Variants in JAKMIP2 observed in about 807,000 individuals in gnomAD.
The protein encoded by JAKMIP2 is janus kinase and microtubule-interacting protein 2.
JAKMIP2 carries 25 observed loss-of-function variants against 115.0 expected under a neutral mutation model. The ratio of observed to expected loss-of-function variants is 0.22; its 90% CI spans 0.16 to 0.30. JAKMIP2 has a LOEUF of 0.30. JAKMIP2 is among the 10% of genes least tolerant of loss of function. The pLI is 1.00. For synonymous variants in JAKMIP2, 334 were observed against 343.6 expected, an observed-to-expected ratio of 0.97 and a Z score of 0.31; for missense variants, 642 against 957.6, an observed-to-expected ratio of 0.67 and a Z score of 4.35.
intron 3 of JAKMIP2, among the ~76,000 whole-genome samples, chr5:147,659,996 C>CA (rs1307190395): frequency 1.3e-5 from 2 of 151,814 alleles, no homozygotes; most frequent in East Asian, 1.9e-4. Flanking sequence ...AACTAGAAGA[C>CA]AAAAAAGGAA....
chr5:147,604,866 C>T (rs1350985537), intron 20 of JAKMIP2, among the ~76,000 whole-genome samples: 3 of 150,296 alleles, frequency 2.0e-5, no homozygotes, highest in Non-Finnish European at 4.4e-5. Context: ...GGGATATATG[C>T]GCAGAACGTG....
rs151015424 is a variant in JAKMIP2 at position 147,750,561 on chromosome 5, T to TACACACACACACACACACAC, written c.-149+31875_-149+31894dup. 7.0e-4 allele frequency among the ~76,000 whole-genome samples: 100 copies of TACACACACACACACACACAC among 142,902 alleles called. 1 individual carries two copies. In the Middle Eastern group the frequency reaches 0.014, roughly 20 times the overall value. The allele number at this position is 142,902 out of a possible 152,430, so 93.7% of individuals were successfully genotyped here. ...AGATATCACTCATGGTGCCAGAAAA[T>TACACACACACACACACACAC]ACACACACACACACACACACACACA... On this transcript the variant is annotated intron_variant, in intron 1 of 21. Coordinates refer to ENST00000616793, the MANE Select transcript of JAKMIP2 (RefSeq NM_001270941.2).
chr5:147,727,241 G>A (rs1243659444), intron 1 of JAKMIP2, among the ~76,000 whole-genome samples: 1 of 152,144 alleles, frequency 6.6e-6, no homozygotes, highest in African/African-American at 2.4e-5. Flanking sequence ...CATAACCTTA[G>A]TTAAGCCTTA....
intron 10 of JAKMIP2, among the ~76,000 whole-genome samples, chr5:147,637,437 A>ATTTTATTTTTTTTTTTTTTTTTTT (rs1757672608): frequency 1.3e-5 from 1 of 79,340 alleles, no homozygotes; most frequent in Non-Finnish European, 2.6e-5. Context: ...AATTCTTTTG[A>ATTTTATTTTTTTTTTTTTTTTTTT]TTTTTTTTTT....
At chr5:147,701,078 T>A (rs17107216) in intron 1 of JAKMIP2, among the ~76,000 whole-genome samples, 1 of 151,860 alleles carries the variant, frequency 6.6e-6, no homozygotes, top group Non-Finnish European at 1.5e-5. Flanking sequence ...TAAAAAAAGC[T>A]GTAAGGTCAA....
At chr5:147,763,157 T>C (rs1021278872) in intron 1 of JAKMIP2, among the ~76,000 whole-genome samples, 1 of 152,058 alleles carries the variant, frequency 6.6e-6, no homozygotes, top group Non-Finnish European at 1.5e-5. Context: ...CTGAGTTCCA[T>C]ATGAATTTTG....
At chr5:147,610,487 T>C (rs1366613433) in intron 20 of JAKMIP2, among the ~76,000 whole-genome samples, 1 of 152,218 alleles carries the variant, frequency 6.6e-6, no homozygotes, top group Non-Finnish European at 1.5e-5. Context: ...CTCCAGACTC[T>C]GTTTGCCGGT....
intron 1 of JAKMIP2, among the ~76,000 whole-genome samples, chr5:147,775,816 T>C (rs952052216): frequency 1.1e-4 from 16 of 152,216 alleles, no homozygotes; most frequent in African/African-American, 3.9e-4. Context: ...TCAAACAGTC[T>C]TTATTGAGTA....
At chr5:147,603,462 G>A (rs967787980) in intron 20 of JAKMIP2, among the ~76,000 whole-genome samples, 2 of 152,090 alleles carry the variant, frequency 1.3e-5, no homozygotes, top group East Asian at 3.9e-4. Flanking sequence ...AATAAAGAGG[G>A]GATATTACAT....
intron 1 of JAKMIP2, among the ~76,000 whole-genome samples, chr5:147,715,066 G>T (rs1397952540): frequency 6.6e-6 from 1 of 151,980 alleles, no homozygotes; most frequent in Non-Finnish European, 1.5e-5. Flanking sequence ...GGTTTTAAGG[G>T]CTAGAAGAAA....
chr5:147,779,887 A>G (rs1279157895), intron 1 of JAKMIP2, among the ~76,000 whole-genome samples: 1 of 152,162 alleles, frequency 6.6e-6, no homozygotes, highest in Non-Finnish European at 1.5e-5. Context: ...TCATTGCTTT[A>G]TCTGATTAGC....
At chr5:147,767,101 C>G (rs899694429) in intron 1 of JAKMIP2, among the ~76,000 whole-genome samples, 1 of 152,130 alleles carries the variant, frequency 6.6e-6, no homozygotes, top group African/African-American at 2.4e-5. Flanking sequence ...AGCCTGGCAG[C>G]ATACCACATT....
intron 7 of JAKMIP2, among the ~76,000 whole-genome samples, chr5:147,641,974 C>T (rs935723857): frequency 6.6e-6 from 1 of 152,106 alleles, no homozygotes; most frequent in Non-Finnish European, 1.5e-5. Flanking sequence ...TTATGTGGAT[C>T]AAGGAGCCTC....
chr5:147,651,310 A>T (rs1331713184), intron 3 of JAKMIP2, among the ~76,000 whole-genome samples: 1 of 152,216 alleles, frequency 6.6e-6, no homozygotes, highest in East Asian at 1.9e-4. Flanking sequence ...GCATGGCCTC[A>T]GAAGAATTTC....
At chr5:147,668,503 C>T (rs1450393404) in intron 2 of JAKMIP2, among the ~76,000 whole-genome samples, 1 of 152,166 alleles carries the variant, frequency 6.6e-6, no homozygotes, top group African/African-American at 2.4e-5. Context: ...TGTAACGGTA[C>T]TTATGCCACA....
At chr5:147,675,126 T>G (rs1024783721) in intron 1 of JAKMIP2, among the ~76,000 whole-genome samples, 3 of 152,202 alleles carry the variant, frequency 2.0e-5, no homozygotes, top group Non-Finnish European at 4.4e-5. Flanking sequence ...AATAGATACA[T>G]TTTACATCTT....
At chr5:147,735,212 A>C (rs1057210965) in intron 1 of JAKMIP2, among the ~76,000 whole-genome samples, 1 of 152,186 alleles carries the variant, frequency 6.6e-6, no homozygotes, top group African/African-American at 2.4e-5. Flanking sequence ...CCCTCATTTA[A>C]AGAAAGTGCA....
chr5:147,676,924 A>T (rs1759999174), intron 1 of JAKMIP2, among the ~76,000 whole-genome samples: 1 of 152,206 alleles, frequency 6.6e-6, no homozygotes, highest in Non-Finnish European at 1.5e-5. Context: ...TTACATCAAA[A>T]TCTACTTGAG....
Position 147,671,659 on chromosome 5 carries a change from TC to T in JAKMIP2, c.129+18del. On this transcript the variant is annotated intron_variant, in intron 2 of 21. Coordinates refer to ENST00000616793, the MANE Select transcript of JAKMIP2 (RefSeq NM_001270941.2). ...CAGAGCTGCTCTTAATGCCACGACCTCAGGTAGCCCTCGCTCACCTTGGACT... is the reference window on the plus strand; with the variant it reads ...CAGAGCTGCTCTTAATGCCACGACCTAGGTAGCCCTCGCTCACCTTGGACT... 7.2e-7 allele frequency: 1 copy of T among 1,383,140 alleles called. No homozygotes were observed. Among genetic ancestry groups the T allele is most frequent in the Non-Finnish European group, 9.5e-7 (1 of 1,057,374 alleles). 85.7% of individuals were successfully genotyped at this position (1,383,140 alleles called of 1,614,324 possible).
Sources: allele counts gnomAD v4.1 joint callset (sites outside exome capture counted in the v4.1 genomes callset), GRCh38; gene constraint gnomAD v4.1.1; transcripts MANE v1.5; gene names NCBI Gene and HGNC (gene_info 2026-07-23, HGNC 2026-07-21).